The following EPB41L2 variants were observed in gnomAD, a reference collection of about 807,000 sequenced individuals.
EPB41L2 encodes the protein band 4.1-like protein 2.
A neutral mutation model predicts 113.0 loss-of-function variants in EPB41L2; 43 were observed. The ratio of observed to expected loss-of-function variants is 0.38; its 90% CI spans 0.30 to 0.49. The LOEUF (loss-of-function observed/expected upper bound fraction) is 0.49, where lower values mean the gene tolerates loss of function less well. Ranked by LOEUF, EPB41L2 falls within the 20% of genes least tolerant of loss-of-function variation. EPB41L2 has a pLI of 0.95. For synonymous variants in EPB41L2, 442 were observed against 436.7 expected, an observed-to-expected ratio of 1.01 and a Z score of -0.15; for missense variants, 1,147 against 1,223.4, an observed-to-expected ratio of 0.94 and a Z score of 0.93.
At chr6:131,061,119 G>A (rs1798567417) in intron 1 of EPB41L2, among the ~76,000 whole-genome samples, 2 of 152,130 alleles carry the variant, frequency 1.3e-5, no homozygotes, top group Admixed American at 1.3e-4. Context: ...AGTGGTTAAA[G>A]ATTAAAGAAC....
At chr6:131,049,109 G>C (rs897012532) in intron 1 of EPB41L2, among the ~76,000 whole-genome samples, 7 of 152,196 alleles carry the variant, frequency 4.6e-5, no homozygotes, top group Admixed American at 2.0e-4. Context: ...CACATCCACA[G>C]CTCTTCATTG....
At chr6:130,860,803 G>C (rs1348125447) in intron 18 of EPB41L2, among the ~76,000 whole-genome samples, 1 of 150,514 alleles carries the variant, frequency 6.6e-6, no homozygotes, top group African/African-American at 2.4e-5. Flanking sequence ...CAAAGTGCTG[G>C]GATTACAGGC....
intron 3 of EPB41L2, among the ~76,000 whole-genome samples, chr6:130,942,161 T>C (rs1811106174): frequency 6.6e-6 from 1 of 152,230 alleles, no homozygotes; most frequent in Non-Finnish European, 1.5e-5. Flanking sequence ...ATTCTGTCCA[T>C]GTTTCCACTT....
intron 1 of EPB41L2, among the ~76,000 whole-genome samples, chr6:131,012,444 G>A (rs1470956838): frequency 6.9e-6 from 1 of 145,114 alleles, no homozygotes; most frequent in East Asian, 2.0e-4. Context: ...TTCAAGTTGT[G>A]GAAATAAAAA....
intron 1 of EPB41L2, among the ~76,000 whole-genome samples, chr6:131,020,345 AT>A (rs895382155): frequency 6.6e-6 from 1 of 151,618 alleles, no homozygotes; most frequent in Non-Finnish European, 1.5e-5. Flanking sequence ...GCTCCTTTAC[AT>A]TTTTTTCATT....
rs182812269 is a variant in EPB41L2 at position 130,870,844 on chromosome 6, T to C, written c.2044-718A>G. 3.8e-3 allele frequency among the ~76,000 whole-genome samples: 581 copies of C among 152,084 alleles called. 3 individuals carry two copies. The highest frequency in any genetic ancestry group is 4.5e-3 in the Non-Finnish European group (304 of 67,990). The stretch of plus-strand genomic sequence containing the variant: ...TTTAAAAAAAAAAAAAAAGTTTTAA[T>C]TGGCAAAATTATAGTTAGCCTCAGA... On this transcript the variant is annotated intron_variant, in intron 14 of 19. Coordinates refer to ENST00000337057, the MANE Select transcript of EPB41L2 (RefSeq NM_001431.4).
At chr6:130,976,242 C>G (rs73774344) in intron 1 of EPB41L2, among the ~76,000 whole-genome samples, 4,000 of 152,172 alleles carry the variant, frequency 0.026, 181 homozygotes, top group African/African-American at 0.092. Context: ...ATCATTGATA[C>G]TGACATATCT....
intron 3 of EPB41L2, among the ~76,000 whole-genome samples, chr6:130,942,307 G>A (rs1203477720): frequency 2.6e-5 from 4 of 152,180 alleles, no homozygotes; most frequent in African/African-American, 9.7e-5. Flanking sequence ...ATCATGCCTG[G>A]CAGCTGGGAA....
At chr6:130,899,651 C>T in intron 7 of EPB41L2, 73 bp from the exon 8 acceptor site, 2 of 1,408,180 alleles carry the variant, frequency 1.4e-6, no homozygotes, top group Non-Finnish European at 1.0e-6. Flanking sequence ...GGAGGAGTGT[C>T]TGTGCTCAGA....
chr6:130,894,833 A>G, intron 9 of EPB41L2, 134 bp downstream of exon 9: 2 of 1,016,016 alleles, frequency 2.0e-6, no homozygotes, highest in Non-Finnish European at 2.7e-6. Context: ...TACCATTAAG[A>G]ACCCTGACCT....
chr6:130,869,487 CAGG>C (rs1784937084), intron 15 of EPB41L2, 73 bp downstream of exon 15: 2 of 1,308,740 alleles, frequency 1.5e-6, no homozygotes, highest in East Asian at 2.3e-5. Flanking sequence ...ACTGGGAGGA[CAGG>C]AGAAGAAAGG....
chr6:131,002,852 C>T (rs6928986), intron 1 of EPB41L2, among the ~76,000 whole-genome samples: 118,446 of 152,102 alleles, frequency 0.78, 46,596 homozygotes, highest in African/African-American at 0.87. Context: ...CTCAACGTTA[C>T]AGTTAGATGG....
intron 1 of EPB41L2, among the ~76,000 whole-genome samples, chr6:130,993,837 A>C (rs1782452786): frequency 6.6e-6 from 1 of 152,168 alleles, no homozygotes; most frequent in Admixed American, 6.5e-5. Flanking sequence ...TATTAATTTT[A>C]AAAAATATAT....
chr6:131,041,178 A>C (rs1794389041), intron 1 of EPB41L2, among the ~76,000 whole-genome samples: 2 of 152,348 alleles, frequency 1.3e-5, no homozygotes, highest in South Asian at 4.1e-4. Flanking sequence ...AACTGATATA[A>C]TAGTGTGCTG....
intron 4 of EPB41L2, among the ~76,000 whole-genome samples, chr6:130,909,791 GAA>G (rs1003846286): frequency 4.0e-5 from 6 of 151,890 alleles, no homozygotes; most frequent in African/African-American, 1.5e-4. Context: ...GCTACTAAGA[GAA>G]AAAAATACCT....
At chr6:131,002,221 C>T (rs1025617403) in intron 1 of EPB41L2, among the ~76,000 whole-genome samples, 3 of 152,128 alleles carry the variant, frequency 2.0e-5, no homozygotes, top group Admixed American at 2.0e-4. Flanking sequence ...TAAACTCACA[C>T]AGAGAAGAGA....
chr6:130,847,362 A>C (rs1777358049), intron 19 of EPB41L2, among the ~76,000 whole-genome samples: 1 of 152,130 alleles, frequency 6.6e-6, no homozygotes, highest in Admixed American at 6.5e-5. Context: ...TTGTGCCCTG[A>C]ACATTATTTT....
chr6:130,940,464 CT>C lies in EPB41L2; in HGVS notation c.706-13756del, dbSNP rs201049585. 2.3e-3 allele frequency among the ~76,000 whole-genome samples: 334 copies of C among 142,858 alleles called. 2 individuals carry two copies. Among genetic ancestry groups the C allele is most frequent in the Non-Finnish European group, 2.4e-3 (156 of 65,782 alleles). 93.7% of individuals were successfully genotyped at this position (142,858 alleles called of 152,430 possible). Reference sequence around the variant, plus strand: ...ATAGCTGAGTTTTTCCTAAATATATCTTTTTTTTTTTTCTTTTGGGAGATGG... The same window carrying C: ...ATAGCTGAGTTTTTCCTAAATATATCTTTTTTTTTTTCTTTTGGGAGATGG... On this transcript the variant is annotated intron_variant, in intron 3 of 19. Transcript: ENST00000337057.
chr6:131,055,932 G>T (rs1797497986), intron 1 of EPB41L2, among the ~76,000 whole-genome samples: 1 of 152,134 alleles, frequency 6.6e-6, no homozygotes, highest in South Asian at 2.1e-4. Flanking sequence ...AACAAAGCTA[G>T]AACTGAGCAT....
Sources: gnomAD v4.1 joint callset for allele counts (sites outside exome capture counted in the v4.1 genomes callset) on GRCh38, gnomAD v4.1.1 for gene constraint, MANE v1.5 for transcripts, NCBI Gene and HGNC (gene_info 2026-07-23, HGNC 2026-07-21) for gene names.